TFDP1: variants seen among roughly 807,000 people sequenced by gnomAD.
TFDP1 encodes the protein DRTF1-polypeptide 1.
In TFDP1, 6 loss-of-function variants were observed where a neutral mutation model predicts 48.0. That is an observed-to-expected ratio of 0.13 (90% CI 0.07 to 0.25). The LOEUF (loss-of-function observed/expected upper bound fraction) is 0.25, where lower values mean the gene tolerates loss of function less well. Ranked by LOEUF, TFDP1 falls within the 10% of genes least tolerant of loss-of-function variation. The pLI, the probability that TFDP1 is intolerant of heterozygous loss-of-function variation, is 1.00. For missense variants in TFDP1, 335 were observed against 543.0 expected (o/e 0.62, Z 3.81); for synonymous variants, 201 against 211.6 (o/e 0.95, Z 0.44).
chr13:113,607,774 A>G lies in TFDP1; in HGVS notation c.13-3222A>G, dbSNP rs1055058773. ...CCAGTGGGTGGCGGTGACGGGGGCC[A>G]GTGGTTTCCTGGACCTGGGTTTCCT... On this transcript the variant is annotated intron_variant, in intron 2 of 11. Coordinates refer to ENST00000375370, the MANE Select transcript of TFDP1 (RefSeq NM_007111.5). This position sits in a 1 kb window ranked among gnomAD's most constrained non-coding sequence, Gnocchi z 5.2. Among the ~76,000 whole-genome samples the G allele has an allele frequency of 5.3e-5, 8 of 152,118 alleles. No homozygotes were observed. The highest frequency in any genetic ancestry group is 8.8e-5 in the Non-Finnish European group (6 of 68,004).
intron 2 of TFDP1, among the ~76,000 whole-genome samples, chr13:113,603,296 G>A (rs1172322772): frequency 6.6e-6 from 1 of 152,224 alleles, no homozygotes; most frequent in African/African-American, 2.4e-5. Context: ...TAGGGCTTGT[G>A]TGTCCCCAGG....
At chr13:113,632,952 G>A (rs1454222703) in intron 5 of TFDP1, among the ~76,000 whole-genome samples, 168 bp from the exon 6 acceptor site, 1 of 152,250 alleles carries the variant, frequency 6.6e-6, no homozygotes, top group Non-Finnish European at 1.5e-5. Flanking sequence ...GGGCCTGGGG[G>A]CTGGGGCTAG....
At chr13:113,609,472 C>G (rs1319563273) in intron 2 of TFDP1, among the ~76,000 whole-genome samples, 1 of 152,106 alleles carries the variant, frequency 6.6e-6, no homozygotes, top group East Asian at 1.9e-4. Flanking sequence ...GTGAACTTGC[C>G]GTGGTCCTCG....
chr13:113,610,877 T>C, intron 2 of TFDP1, 119 bp from the exon 3 acceptor site: 1 of 890,206 alleles, frequency 1.1e-6, no homozygotes, highest in Non-Finnish European at 1.8e-6. Flanking sequence ...TGCTTAACTG[T>C]GGTCCTTCTG....
Position 113,627,397 on chromosome 13 carries a change from C to A in TFDP1, c.186+4111C>A, listed in dbSNP as rs549981405. 5.9e-5 allele frequency among the ~76,000 whole-genome samples: 9 copies of A among 152,300 alleles called. No homozygotes were observed. Among genetic ancestry groups the A allele is most frequent in the East Asian group, 3.9e-4 (2 of 5,172 alleles). On this transcript the variant is annotated intron_variant, in intron 4 of 11. Transcript: ENST00000375370. The surrounding 1 kb of genome is among the most constrained non-coding windows in gnomAD (Gnocchi z 4.1). ...GAGCCCCTGGGGAGAAGCAGCCCCC[C>A]ACCCAGGCCTGTGTCCCAGAAGTCG...
At position 113,607,847 on chromosome 13, in the gene TFDP1, T is replaced by G. The variant is rs963131273; in HGVS notation, c.13-3149T>G. On this transcript the variant is annotated intron_variant, in intron 2 of 11. Transcript: ENST00000375370. The surrounding 1 kb of genome is among the most constrained non-coding windows in gnomAD (Gnocchi z 5.2). ...GCTGAGTTCCCATCCCAGCCGGAGC[T>G]GACCACCAAGTCGACGGGGCAGAGT... is the stretch of plus-strand genomic sequence containing the variant. 6.6e-6 allele frequency among the ~76,000 whole-genome samples: 1 copy of G among 152,206 alleles called. No homozygotes were observed. Among genetic ancestry groups the G allele is most frequent in the Non-Finnish European group, 1.5e-5 (1 of 68,030 alleles).
intron 2 of TFDP1, among the ~76,000 whole-genome samples, chr13:113,591,934 C>T (rs1364177383): frequency 2.6e-5 from 4 of 152,192 alleles, no homozygotes; most frequent in African/African-American, 9.7e-5. Context: ...TTGTGTGTAG[C>T]CCAAGCCTGG....
chr13:113,634,320 A>G (rs2049415676), intron 7 of TFDP1: 1 of 633,454 alleles, frequency 1.6e-6, no homozygotes, highest in African/African-American at 1.8e-5. Context: ...TAAATCCAAG[A>G]AATGAGAGGA....
intron 3 of TFDP1, among the ~76,000 whole-genome samples, chr13:113,621,252 GTTC>G (rs1037588021): frequency 3.9e-5 from 6 of 152,204 alleles, no homozygotes; most frequent in South Asian, 2.1e-4. Flanking sequence ...AGATCGGGGA[GTTC>G]TTCTTTCCTG....
intron 2 of TFDP1, among the ~76,000 whole-genome samples, chr13:113,591,294 TCACGCCATTG>T (rs936474039): frequency 2.9e-4 from 42 of 146,578 alleles, no homozygotes; most frequent in African/African-American, 1.1e-3. Context: ...TGAGCCGAGA[TCACGCCATTG>T]CACTCCAGCC....
intron 2 of TFDP1, among the ~76,000 whole-genome samples, chr13:113,593,065 C>T (rs1369174809): frequency 3.4e-5 from 5 of 146,994 alleles, no homozygotes; most frequent in African/African-American, 2.5e-5. Context: ...GCCCAGGTGA[C>T]AGGTGTGGTG....
chr13:113,623,217 C>T lies in TFDP1; in HGVS notation c.117C>T (p.Val39=). ...TCGTGGCCGTTCACCCCTCCACCGT[C>T]AACCCGCTCGGGAAGCAGCTCTTGC... The part of the protein sequence containing the change: ...VSLVAVHPST[V]NPLGKQLLPK... Residue 39 remains valine (V), a synonymous_variant, in exon 4 of 12, where the codon GTC becomes GTT. Transcript: ENST00000375370. This position sits in a 1 kb window ranked among gnomAD's most constrained non-coding sequence, Gnocchi z 5.2. 6.2e-7 allele frequency: 1 copy of T among 1,613,784 alleles called. No homozygotes were observed. The highest frequency in any genetic ancestry group is 1.3e-5 in the African/African-American group (1 of 75,080).
At chr13:113,638,494 C>T (rs922422112) in intron 11 of TFDP1, among the ~76,000 whole-genome samples, 3 of 151,548 alleles carry the variant, frequency 2.0e-5, no homozygotes, top group Admixed American at 6.6e-5. Flanking sequence ...TGTATTTTTG[C>T]GAACGCGTCT....
Position 113,627,267 on chromosome 13 carries a change from CG to C in TFDP1, c.186+3983del, listed in dbSNP as rs1448382867. 1.3e-5 allele frequency among the ~76,000 whole-genome samples: 2 copies of C among 152,240 alleles called. No individual in the cohort carries two copies. The highest frequency in any genetic ancestry group is 3.9e-4 in the East Asian group (2 of 5,180). ...GTCAAGGTCAGGGTCTTTTGAGGTG[CG>C]GATGCTTGTGAAGCCTGTGGTGCTG... On this transcript the variant is annotated intron_variant, in intron 4 of 11. Coordinates refer to ENST00000375370, the MANE Select transcript of TFDP1 (RefSeq NM_007111.5). The surrounding 1 kb of genome is among the most constrained non-coding windows in gnomAD (Gnocchi z 4.1).
rs9324250 is a variant in TFDP1 at position 113,598,021 on chromosome 13, T to C, written c.12+12172T>C. Among the ~76,000 whole-genome samples the C allele has an allele frequency of 0.47, 71,725 of 152,056 alleles. 18,823 individuals are homozygous for C. The highest frequency in any genetic ancestry group is 0.71 in the African/African-American group (29,312 of 41,468). ...GGGCTGCAGGCACGAGGTGTTCAAA[T>C]GCAGCAGTGACTTCATAAGAAAAGG... On this transcript the variant is annotated intron_variant, in intron 2 of 11. Transcript: ENST00000375370. The surrounding 1 kb of genome is among the most constrained non-coding windows in gnomAD (Gnocchi z 4.2).
At chr13:113,602,758 C>T (rs950752340) in intron 2 of TFDP1, among the ~76,000 whole-genome samples, 3 of 152,102 alleles carry the variant, frequency 2.0e-5, no homozygotes, top group Admixed American at 6.5e-5. Flanking sequence ...GCGGCCCTGG[C>T]GTCCCTCTCT....
At chr13:113,613,946 A>C (rs2048784791) in intron 3 of TFDP1, among the ~76,000 whole-genome samples, 1 of 147,286 alleles carries the variant, frequency 6.8e-6, no homozygotes, top group Admixed American at 6.8e-5. Flanking sequence ...GTGTGTGTGC[A>C]TGTGAATTGT....
chr13:113,627,331 G>C lies in TFDP1; in HGVS notation c.186+4045G>C, dbSNP rs1296116506. Among the ~76,000 whole-genome samples, 2 of 152,178 alleles carry C rather than the reference G, an allele frequency of 1.3e-5. No homozygotes were observed. Among genetic ancestry groups the C allele is most frequent in the African/African-American group, 4.8e-5 (2 of 41,444 alleles). On this transcript the variant is annotated intron_variant, in intron 4 of 11. Coordinates refer to ENST00000375370, the MANE Select transcript of TFDP1 (RefSeq NM_007111.5). The surrounding 1 kb of genome is among the most constrained non-coding windows in gnomAD (Gnocchi z 4.1). ...CGCGCACAGGAACGTGTGCGGGACAGAGGACATATGTGCTCAGCCGGCAGG... is the reference window on the plus strand; with the variant it reads ...CGCGCACAGGAACGTGTGCGGGACACAGGACATATGTGCTCAGCCGGCAGG...
At chr13:113,600,530 C>T (rs1244992964) in intron 2 of TFDP1, among the ~76,000 whole-genome samples, 2 of 148,540 alleles carry the variant, frequency 1.3e-5, no homozygotes, top group Non-Finnish European at 3.0e-5. Context: ...GAGACAGAAC[C>T]CTCACGTGGG....
Sources: allele counts gnomAD v4.1 joint callset (sites outside exome capture counted in the v4.1 genomes callset), GRCh38; gene constraint gnomAD v4.1.1; non-coding constraint Gnocchi (gnomAD v3.1); transcripts MANE v1.5; gene names NCBI Gene and HGNC (gene_info 2026-07-23, HGNC 2026-07-21).